The following BIN2 variants were observed in gnomAD, a reference collection of about 807,000 sequenced individuals.
The protein encoded by BIN2 is bridging integrator 2, also known as breast cancer associated protein BRAP1.
A neutral mutation model predicts 67.9 loss-of-function variants in BIN2; 43 were observed. The observed-to-expected ratio is 0.63, with a 90% CI of 0.50 to 0.82. The LOEUF (loss-of-function observed/expected upper bound fraction) is 0.82. Among genes scored for constraint, BIN2 ranks in the 40% least tolerant of loss-of-function variants. BIN2 has a pLI of 0.00. For missense variants in BIN2, 581 were observed against 671.6 expected (o/e 0.87, Z 1.49); for synonymous variants, 244 against 246.8 (o/e 0.99, Z 0.11).
chr12:51,295,661 A>C lies in BIN2; in HGVS notation c.761+135T>G, dbSNP rs535355944. ...TAAAAAGCAAAATAATTTATATAGG[A>C]GCATAGTACAAACAACAAACATCAT... On this transcript the variant is annotated intron_variant, in intron 9 of 12. Coordinates refer to ENST00000615107, the MANE Select transcript of BIN2 (RefSeq NM_016293.4). The C allele has an allele frequency of 2.1e-5, 8 of 374,214 alleles. No individual in the cohort carries two copies. In the South Asian group the frequency reaches 5.0e-4, roughly 23 times the overall value. 23.2% of individuals were successfully genotyped at this position (374,214 alleles called of 1,614,324 possible).
In BIN2 at chr12:51,300,180, C is replaced by T. The variant is rs184731600; in HGVS notation, c.409-466G>A. ...TAGGGTTTTGCGCCCATGGGGTCTC[C>T]CTCAGTATCTGGGAAGAATGGGGGA... is the stretch of plus-strand genomic sequence containing the variant. On this transcript the variant is annotated intron_variant, in intron 5 of 12. Coordinates refer to ENST00000615107, the MANE Select transcript of BIN2 (RefSeq NM_016293.4). 3.3e-3 allele frequency among the ~76,000 whole-genome samples: 500 copies of T among 152,066 alleles called. 19 individuals are homozygous for T. Among genetic ancestry groups the T allele is most frequent in the Admixed American group, 0.032 (488 of 15,234 alleles).
At chr12:51,281,565 GCCTTC>G in intron 12 of BIN2, 37 bp from the exon 13 acceptor site, 2 of 1,611,106 alleles carry the variant, frequency 1.2e-6, no homozygotes, top group Non-Finnish European at 1.7e-6. Context: ...GTGTTGACCT[GCCTTC>G]CCACCAACCA....
intron 1 of BIN2, among the ~76,000 whole-genome samples, chr12:51,317,347 C>A (rs1946160271): frequency 6.6e-6 from 1 of 151,982 alleles, no homozygotes; most frequent in African/African-American, 2.4e-5. Context: ...ATGAGTGGAG[C>A]CTTGGAGTAG....
chr12:51,307,207 C>T (rs1489311980), intron 2 of BIN2, among the ~76,000 whole-genome samples: 2 of 148,912 alleles, frequency 1.3e-5, no homozygotes, highest in Admixed American at 6.7e-5. Context: ...GGCTTGAACC[C>T]GGGAGGTGGA....
At position 51,292,057 on chromosome 12, in the gene BIN2, G is replaced by A; in HGVS notation, c.1049C>T (p.Pro350Leu). 6.2e-7 allele frequency: 1 copy of A among 1,614,162 alleles called. No individual in the cohort carries two copies. Reference protein sequence around the residue: ...CNGPAQAQPSPTTERAKSQEE... With the variant: ...CNGPAQAQPSLTTERAKSQEE... ...CTGGGACTTGGCCCTTTCAGTGGTA[G>A]GAGAGGGCTGGGCCTGGGCGGGGCC... The change falls in exon 10 of 13, where the codon CCT becomes CTT. Residue 350 changes from proline (P) to leucine (L), a missense_variant. Pro to Leu is a moderately conservative substitution (Grantham distance 98). Coordinates refer to ENST00000615107, the MANE Select transcript of BIN2 (RefSeq NM_016293.4).
At chr12:51,316,640 C>T (rs1391729927) in intron 1 of BIN2, among the ~76,000 whole-genome samples, 1 of 152,130 alleles carries the variant, frequency 6.6e-6, no homozygotes, top group African/African-American at 2.4e-5. Flanking sequence ...TTTTTAGTTT[C>T]CCAAATAACC....
chr12:51,294,644 TAC>T (rs1486547913), intron 9 of BIN2, among the ~76,000 whole-genome samples: 3 of 151,578 alleles, frequency 2.0e-5, no homozygotes, highest in Admixed American at 6.6e-5. Context: ...TGTGAAACAA[TAC>T]AGTGTGTGCA....
chr12:51,323,918 C>A, intron 1 of BIN2, 104 bp downstream of exon 1: 1 of 1,440,608 alleles, frequency 6.9e-7, no homozygotes, highest in South Asian at 1.3e-5. Context: ...AGCCCAGACC[C>A]TTCGGGGCCC....
chr12:51,310,543 T>G (rs996490600), intron 2 of BIN2, among the ~76,000 whole-genome samples: 4 of 152,180 alleles, frequency 2.6e-5, no homozygotes, highest in Admixed American at 6.5e-5. Flanking sequence ...ATATTTAATC[T>G]GAAATATCTG....
intron 2 of BIN2, among the ~76,000 whole-genome samples, chr12:51,313,270 G>A (rs1946046227): frequency 6.6e-6 from 1 of 151,658 alleles, no homozygotes; most frequent in Non-Finnish European, 1.5e-5. Context: ...GAGGGAAGGA[G>A]GGAGGGAGAT....
At position 51,319,280 on chromosome 12, in the gene BIN2, G is replaced by C. The variant is rs188289920; in HGVS notation, c.81+4742C>G. On this transcript the variant is annotated intron_variant, in intron 1 of 12. Transcript: ENST00000615107. ...AGAGTGTGGGGTCGGGGGTTGGGGG[G>C]TACTGAGAGAAACTTCCTCACCCTC... 2.0e-5 allele frequency among the ~76,000 whole-genome samples: 3 copies of C among 152,250 alleles called. No homozygotes were observed. In the East Asian group the frequency reaches 5.8e-4, roughly 29 times the overall value.
chr12:51,304,107 TGG>T (rs1945804540), intron 2 of BIN2: 1 of 152,036 alleles, frequency 6.6e-6, no homozygotes, highest in Non-Finnish European at 1.5e-5. Flanking sequence ...TAGCTGGGTG[TGG>T]TGGCGCACAC....
intron 2 of BIN2, among the ~76,000 whole-genome samples, chr12:51,306,286 T>C (rs1257768554): frequency 6.6e-6 from 1 of 152,208 alleles, no homozygotes; most frequent in Non-Finnish European, 1.5e-5. Context: ...ACTGTGATTG[T>C]GTGCTGTGTT....
chr12:51,305,835 T>C (rs1173387765), intron 2 of BIN2, among the ~76,000 whole-genome samples: 3 of 133,614 alleles, frequency 2.2e-5, no homozygotes, highest in East Asian at 2.1e-4. Flanking sequence ...TCTTTTTTTT[T>C]TTTTTTTTTT....
Position 51,291,607 on chromosome 12 carries a change from G to T in BIN2, c.1499C>A (p.Thr500Asn). ...TACTCTTACCTGAGATGTCATTAAGGTGGGGGAAGTACAAAGTTCTTCAGG... is the reference window on the plus strand; with the variant it reads ...TACTCTTACCTGAGATGTCATTAAGTTGGGGGAAGTACAAAGTTCTTCAGG... ...QNPEELCTSP[T>N]LMTSQVASEP... Residue 500 changes from threonine to asparagine, a missense_variant, in exon 10 of 13, where the codon ACC becomes AAC. Coordinates refer to ENST00000615107, the MANE Select transcript of BIN2 (RefSeq NM_016293.4). The T allele has an allele frequency of 6.2e-7, 1 of 1,606,578 alleles. No individual in the cohort carries two copies. Among genetic ancestry groups the T allele is most frequent in the South Asian group, 1.1e-5 (1 of 90,558 alleles).
chr12:51,296,966 TGA>T, intron 8 of BIN2, 121 bp downstream of exon 8: 1 of 822,634 alleles, frequency 1.2e-6, no homozygotes, highest in Non-Finnish European at 1.9e-6. Flanking sequence ...TATTTCATCA[TGA>T]GAGAAAAGCC....
At chr12:51,295,610 ATATATATATATATATATATAT>A in intron 9 of BIN2, among the ~76,000 whole-genome samples, 165 bp downstream of exon 9, 1 of 72,658 alleles carries the variant, frequency 1.4e-5, no homozygotes, top group Non-Finnish European at 2.7e-5. Context: ...ATATATATAT[ATATATATATATATATATATAT>A]TTAGTAAAAA....
chr12:51,319,313 G>A (rs1946209032), intron 1 of BIN2, among the ~76,000 whole-genome samples: 1 of 152,192 alleles, frequency 6.6e-6, no homozygotes, highest in Non-Finnish European at 1.5e-5. Context: ...CTCCAACTCT[G>A]AAAGTGAAAA....
intron 4 of BIN2, 186 bp downstream of exon 4, chr12:51,302,500 G>T: frequency 1.7e-6 from 1 of 596,972 alleles, no homozygotes. Context: ...CCACAGATTA[G>T]GGAAAACTTG....
Sources: allele counts gnomAD v4.1 joint callset (sites outside exome capture counted in the v4.1 genomes callset), GRCh38; gene constraint gnomAD v4.1.1; transcripts MANE v1.5; gene names NCBI Gene and HGNC (gene_info 2026-07-23, HGNC 2026-07-21).